The following EFHD1 variants were observed in gnomAD, a reference collection of about 807,000 sequenced individuals.
EFHD1 encodes EF-hand domain-containing protein D1.
Under a neutral mutation model 17.2 loss-of-function variants are expected in EFHD1, and 10 were observed. That is an observed-to-expected ratio of 0.58 (90% confidence interval 0.36 to 0.99). EFHD1 has a LOEUF of 0.99. EFHD1 is among the 50% of genes least tolerant of loss of function. The probability of loss-of-function intolerance (pLI) is 0.01; values close to 1 mark genes in which losing one functional copy is unlikely to be tolerated. For synonymous variants in EFHD1, 153 were observed against 142.0 expected, an observed-to-expected ratio of 1.08 and a Z score of -0.55; for missense variants, 310 against 327.5, an observed-to-expected ratio of 0.95 and a Z score of 0.41.
rs753795626 is a variant in EFHD1 at position 232,662,897 on chromosome 2, G to C, written c.398G>C (p.Ser133Thr). 5.6e-6 allele frequency: 9 copies of C among 1,595,362 alleles called. No homozygotes were observed. The East Asian group carries it at 1.9e-4, about 33-fold the overall frequency. Residue 133 changes from serine (S) to threonine (T), a missense_variant, in exon 2 of 4, where the codon AGC becomes ACC. Transcript: ENST00000264059. Reference protein sequence around the residue: ...GAPQTHLGLKSMIKEVDEDFD... With the variant: ...GAPQTHLGLKTMIKEVDEDFD... ...CCCCAGACCCACCTGGGCCTGAAGA[G>C]CATGATCAAGGAGGTGGATGAGGAC...
At chr2:232,622,464 C>T (rs185423438) in intron 1 of EFHD1, among the ~76,000 whole-genome samples, 159 of 125,718 alleles carry the variant, frequency 1.3e-3, no homozygotes, top group Admixed American at 4.0e-3. Flanking sequence ...AGCAAAGCTC[C>T]GTTTCGCTGG....
intron 1 of EFHD1, 108 bp from the exon 2 acceptor site, chr2:232,662,694 C>T (rs1040108388): frequency 4.8e-6 from 7 of 1,455,928 alleles, no homozygotes; most frequent in South Asian, 4.3e-5. Context: ...CCTCGCAGAG[C>T]GGGAGGTATT....
At chr2:232,618,284 T>C (rs1455236776) in intron 1 of EFHD1, among the ~76,000 whole-genome samples, 3 of 151,970 alleles carry the variant, frequency 2.0e-5, no homozygotes, top group African/African-American at 7.2e-5. Context: ...CCTCCCAAAG[T>C]GCTAGGATTA....
At chr2:232,606,288 C>A (rs1388948531) in intron 1 of EFHD1, 37 of 1,271,008 alleles carry the variant, frequency 2.9e-5, no homozygotes, top group Non-Finnish European at 3.8e-5. Context: ...CTTTCGCCAC[C>A]GGAGGGCACT....
At chr2:232,631,286 T>TTCTTTC (rs972477173), upstream of EFHD1, among the ~76,000 whole-genome samples, 3 of 148,018 alleles carry the variant, frequency 2.0e-5, no homozygotes, top group African/African-American at 7.4e-5. Flanking sequence ...CTCTCTTTCT[T>TTCTTTC]TCTCTCTCTC....
At chr2:232,672,650 G>C (rs1478698775) in intron 3 of EFHD1, among the ~76,000 whole-genome samples, 1 of 152,184 alleles carries the variant, frequency 6.6e-6, no homozygotes, top group East Asian at 1.9e-4. Flanking sequence ...TGTCCACTCT[G>C]AGCCTCGGTG....
Position 232,682,021 on chromosome 2 carries a change from C to T in EFHD1, c.*302C>T, listed in dbSNP as rs1695294233. ...TTTGTCCTTGTCCCTTTACCATTCCCCATCAAAGAGTAGTCTGCTATATCA... is the reference window on the plus strand; with the variant it reads ...TTTGTCCTTGTCCCTTTACCATTCCTCATCAAAGAGTAGTCTGCTATATCA... On this transcript the variant is annotated 3_prime_UTR_variant, in exon 4 of 4. Coordinates refer to ENST00000264059, the MANE Select transcript of EFHD1 (RefSeq NM_025202.4). 3.2e-6 allele frequency: 1 copy of T among 312,482 alleles called. No individual in the cohort carries two copies. The allele number at this position is 312,482 out of a possible 1,614,324, so 19.4% of individuals were successfully genotyped here.
chr2:232,626,178 C>T (rs567860766), intron 1 of EFHD1, among the ~76,000 whole-genome samples: 1 of 150,852 alleles, frequency 6.6e-6, no homozygotes, highest in South Asian at 2.1e-4. Flanking sequence ...GGTGACAGAA[C>T]AAGACCTTGT....
chr2:232,680,292 A>G (rs952005991), intron 3 of EFHD1, among the ~76,000 whole-genome samples: 2 of 151,852 alleles, frequency 1.3e-5, no homozygotes, highest in African/African-American at 4.8e-5. Flanking sequence ...AAAAGTACAT[A>G]CTCAGCGTGT....
At position 232,681,772 on chromosome 2, in the gene EFHD1, A is replaced by G; in HGVS notation, c.*53A>G. On this transcript the variant is annotated 3_prime_UTR_variant, in exon 4 of 4. Coordinates refer to ENST00000264059, the MANE Select transcript of EFHD1 (RefSeq NM_025202.4). ...GCTGTGCCTCACAGATGCCCCGAGA[A>G]GAGATGACTAGGCATCTTCATCACT... 6.3e-7 allele frequency: 1 copy of G among 1,586,502 alleles called. No homozygotes were observed. The highest frequency in any genetic ancestry group is 8.6e-7 in the Non-Finnish European group (1 of 1,166,352).
At chr2:232,645,570 CT>C (rs1694512754) in intron 1 of EFHD1, among the ~76,000 whole-genome samples, 1 of 152,186 alleles carries the variant, frequency 6.6e-6, no homozygotes. Flanking sequence ...CGATGCTGTC[CT>C]GTTTGGCTTT....
At chr2:232,668,911 G>A (rs887211101) in intron 2 of EFHD1, among the ~76,000 whole-genome samples, 10 of 152,184 alleles carry the variant, frequency 6.6e-5, no homozygotes, top group African/African-American at 1.9e-4. Flanking sequence ...TGAGATTACA[G>A]GTGTGAGCCA....
In EFHD1 at chr2:232,644,274, C is replaced by A. The variant is rs1340816388; in HGVS notation, c.302+10268C>A. On this transcript the variant is annotated intron_variant, in intron 1 of 3. Coordinates refer to ENST00000264059, the MANE Select transcript of EFHD1 (RefSeq NM_025202.4). ...TGTCTCCCCAGACCCCCTCCCCAAA[C>A]CTCTTTTATTCTTTTTCTCATCGGG... Among the ~76,000 whole-genome samples, 3 of 152,140 alleles carry A rather than the reference C, an allele frequency of 2.0e-5. No individual in the cohort carries two copies. The East Asian group carries it at 5.8e-4, about 29-fold the overall frequency.
intron 3 of EFHD1, among the ~76,000 whole-genome samples, chr2:232,677,245 C>CACACACACACGT: frequency 7.4e-6 from 1 of 134,884 alleles, no homozygotes; most frequent in Admixed American, 8.1e-5. Context: ...CACACACGTA[C>CACACACACACGT]ACACACACAT....
chr2:232,675,392 CAG>C (rs1695154324), intron 3 of EFHD1, among the ~76,000 whole-genome samples: 1 of 152,184 alleles, frequency 6.6e-6, no homozygotes, highest in South Asian at 2.1e-4. Flanking sequence ...CGCTATTGGA[CAG>C]AGAGCTCCAG....
chr2:232,678,201 T>C lies in EFHD1; in HGVS notation c.586-3384T>C, dbSNP rs1165896473. 2.7e-5 allele frequency among the ~76,000 whole-genome samples: 4 copies of C among 150,930 alleles called. No homozygotes were observed. In the East Asian group the frequency reaches 7.9e-4, roughly 30 times the overall value. On this transcript the variant is annotated intron_variant, in intron 3 of 3. Transcript: ENST00000264059. ...GGGAGGCAGGAGAATCACTTGAACC[T>C]GGGAAGTGGAGCTGAGATCACGCCA...
intron 1 of EFHD1, among the ~76,000 whole-genome samples, chr2:232,645,988 A>G (rs554868588): frequency 6.6e-6 from 1 of 152,164 alleles, no homozygotes; most frequent in Non-Finnish European, 1.5e-5. Context: ...ATAGCCAGGC[A>G]GGGCCTTGGC....
Position 232,665,424 on chromosome 2 carries a change from T to C in EFHD1, c.450+2475T>C, listed in dbSNP as rs141211169. Among the ~76,000 whole-genome samples the C allele has an allele frequency of 2.3e-3, 345 of 151,676 alleles. 7 individuals carry two copies. Among genetic ancestry groups the C allele is most frequent in the Admixed American group, 0.017 (265 of 15,214 alleles). Reference sequence around the variant, plus strand: ...GTGTCATTTGGCACCTGTATTATATTAACTTTTTTTTTTTTGAGACAGAGT... The same window carrying C: ...GTGTCATTTGGCACCTGTATTATATCAACTTTTTTTTTTTTGAGACAGAGT... On this transcript the variant is annotated intron_variant, in intron 2 of 3. Transcript: ENST00000264059.
chr2:232,613,276 G>A (rs1189314628), intron 1 of EFHD1, among the ~76,000 whole-genome samples: 1 of 151,732 alleles, frequency 6.6e-6, no homozygotes, highest in Non-Finnish European at 1.5e-5. Context: ...ATACGAAAAT[G>A]AGCTGGTCAT....
Sources: gnomAD v4.1 joint callset for allele counts (sites outside exome capture counted in the v4.1 genomes callset) on GRCh38, gnomAD v4.1.1 for gene constraint, MANE v1.5 for transcripts, NCBI Gene and HGNC (gene_info 2026-07-23, HGNC 2026-07-21) for gene names.